The following ZNF438 variants were observed in gnomAD, a reference collection of about 807,000 sequenced individuals.
ZNF438 encodes the protein zinc finger protein 438.
A neutral mutation model predicts 38.0 loss-of-function variants in ZNF438; 25 were observed. That is an observed-to-expected ratio of 0.66 (90% confidence interval 0.48 to 0.92). The LOEUF (loss-of-function observed/expected upper bound fraction) is 0.92. Ranked by LOEUF, ZNF438 falls within the 40% of genes least tolerant of loss-of-function variation. The probability of loss-of-function intolerance (pLI) is 0.00; values close to 1 mark genes in which losing one functional copy is unlikely to be tolerated. For synonymous variants in ZNF438, 372 were observed against 364.1 expected, an observed-to-expected ratio of 1.02 and a Z score of -0.25; for missense variants, 1,007 against 999.6, an observed-to-expected ratio of 1.01 and a Z score of -0.10.
chr10:30,974,903 C>T (rs1261304132), intron 1 of ZNF438, among the ~76,000 whole-genome samples: 1 of 152,122 alleles, frequency 6.6e-6, no homozygotes, highest in African/African-American at 2.4e-5. Flanking sequence ...ATAAAGGTCT[C>T]CTGCCTCCTC....
chr10:30,913,547 G>T (rs2043284842), intron 2 of ZNF438, among the ~76,000 whole-genome samples: 1 of 151,886 alleles, frequency 6.6e-6, no homozygotes, highest in African/African-American at 2.4e-5. Flanking sequence ...TTTTATTCTT[G>T]GTACTCATCA....
intron 1 of ZNF438, among the ~76,000 whole-genome samples, chr10:30,989,088 A>G (rs978199435): frequency 3.3e-5 from 5 of 152,192 alleles, no homozygotes; most frequent in Non-Finnish European, 7.4e-5. Context: ...TTTCCAGCCT[A>G]CTAGCCTATT....
chr10:30,917,136 C>T (rs1007191706), intron 2 of ZNF438, among the ~76,000 whole-genome samples: 5 of 152,030 alleles, frequency 3.3e-5, no homozygotes, highest in Admixed American at 2.0e-4. Flanking sequence ...AGTCAGTTCC[C>T]GTCCCATCCC....
chr10:30,888,493 G>A (rs958597424), intron 3 of ZNF438, among the ~76,000 whole-genome samples: 7 of 152,056 alleles, frequency 4.6e-5, no homozygotes, highest in African/African-American at 1.7e-4. Context: ...ATACCCAATA[G>A]TTATTTTTTC....
At chr10:30,942,541 A>G (rs1486952726) in intron 1 of ZNF438, among the ~76,000 whole-genome samples, 1 of 152,260 alleles carries the variant, frequency 6.6e-6, no homozygotes, top group African/African-American at 2.4e-5. Context: ...TGCAAGACTG[A>G]GACGTGAAAC....
At chr10:30,940,942 A>G (rs2046757411) in intron 2 of ZNF438, among the ~76,000 whole-genome samples, 1 of 151,972 alleles carries the variant, frequency 6.6e-6, no homozygotes, top group Non-Finnish European at 1.5e-5. Flanking sequence ...TATTAGCTAC[A>G]ACGCAAAAGC....
intron 1 of ZNF438, among the ~76,000 whole-genome samples, chr10:31,026,792 G>A (rs1305828815): frequency 1.3e-5 from 2 of 152,062 alleles, no homozygotes; most frequent in African/African-American, 4.8e-5. Context: ...ACATGCACAC[G>A]TATGTTTATT....
intron 3 of ZNF438, among the ~76,000 whole-genome samples, chr10:30,900,670 G>A (rs2041872608): frequency 6.6e-6 from 1 of 152,154 alleles, no homozygotes; most frequent in Non-Finnish European, 1.5e-5. Context: ...CGCTCACCCA[G>A]CTAGTAAAAT....
chr10:30,947,826 G>A (rs1419385745), intron 1 of ZNF438, among the ~76,000 whole-genome samples: 1 of 152,220 alleles, frequency 6.6e-6, no homozygotes, highest in African/African-American at 2.4e-5. Context: ...GACTCGGAAA[G>A]GGAACTCCCT....
intron 4 of ZNF438, among the ~76,000 whole-genome samples, chr10:30,876,705 G>A (rs148337786): frequency 4.6e-5 from 7 of 152,130 alleles, no homozygotes; most frequent in African/African-American, 1.7e-4. Context: ...ACTGATATCT[G>A]TTAGTGCCAG....
chr10:30,948,367 T>C (rs2047712192), intron 1 of ZNF438, among the ~76,000 whole-genome samples: 1 of 152,120 alleles, frequency 6.6e-6, no homozygotes. Flanking sequence ...AGGAACGCAG[T>C]TCCTCACCAG....
At chr10:30,985,021 T>C (rs1343978006) in intron 1 of ZNF438, among the ~76,000 whole-genome samples, 1 of 152,206 alleles carries the variant, frequency 6.6e-6, no homozygotes, top group Non-Finnish European at 1.5e-5. Flanking sequence ...CATAATCTCA[T>C]TGAGCCATGT....
At chr10:30,845,092 C>T (rs1252590846) in exon 6 of ZNF438, 2 of 1,614,154 alleles carry the variant, frequency 1.2e-6, no homozygotes, top group Admixed American at 1.7e-5. Context: ...TCTTTCCGTC[C>T]CAGCATCTCT....
In ZNF438 at chr10:30,887,945, CTTA is replaced by C. The variant is rs1240617132; in HGVS notation, c.-31-10883_-31-10881del. Among the ~76,000 whole-genome samples, 3 of 152,262 alleles carry C rather than the reference CTTA, an allele frequency of 2.0e-5. No homozygotes were observed. In the East Asian group the frequency reaches 5.8e-4, roughly 29 times the overall value. On this transcript the variant is annotated intron_variant, in intron 3 of 5. Coordinates refer to ENST00000413025, the Ensembl canonical transcript of ZNF438. ...ATATACATCAGACAGTAACTATTCACTTATTATGTGTATCAGTAGACCATTCCT... is the reference window on the plus strand; with the variant it reads ...ATATACATCAGACAGTAACTATTCACTTATGTGTATCAGTAGACCATTCCT...
chr10:30,910,165 T>A lies in ZNF438; in HGVS notation c.-114-1150A>T, dbSNP rs114023506. On this transcript the variant is annotated intron_variant, in intron 2 of 5. Transcript: ENST00000413025. ...AGGGTGTTAGAGTACAATTACCTTG[T>A]GTACTTGGTAAAGGGGGAAGAAGAT... Among the ~76,000 whole-genome samples, 252 of 152,014 alleles carry A rather than the reference T, an allele frequency of 1.7e-3. 1 individual carries two copies. Among genetic ancestry groups the A allele is most frequent in the African/African-American group, 5.9e-3 (246 of 41,408 alleles).
At position 30,845,405 on chromosome 10, in the gene ZNF438, C is replaced by CCCTTCTTGTAG; in HGVS notation, c.2032_2042dup (p.Thr682TyrfsTer49). 1 of 1,614,132 alleles carries CCCTTCTTGTAG rather than the reference C, an allele frequency of 6.2e-7. No homozygotes were observed. The highest frequency in any genetic ancestry group is 8.5e-7 in the Non-Finnish European group (1 of 1,180,036). On this transcript the variant is annotated frameshift_variant, in exon 6 of 6. Transcript: ENST00000413025. LOFTEE classifies it low-confidence loss of function (END_TRUNC). Reference sequence around the variant, plus strand: ...GAGTCCCCTTGCTTCCTGGGAAGGTCCCTTCTTGTAGCCTGCCCTCAATTT... The same window carrying CCCTTCTTGTAG: ...GAGTCCCCTTGCTTCCTGGGAAGGTCCCTTCTTGTAGCCTTCTTGTAGCCTGCCCTCAATTT...
chr10:30,910,924 C>T (rs1413165905), intron 2 of ZNF438, among the ~76,000 whole-genome samples: 1 of 151,974 alleles, frequency 6.6e-6, no homozygotes, highest in Non-Finnish European at 1.5e-5. Context: ...AGAAGAGTCA[C>T]TACAAAATGT....
chr10:30,966,403 G>A (rs1209073917), intron 1 of ZNF438, among the ~76,000 whole-genome samples: 3 of 152,078 alleles, frequency 2.0e-5, no homozygotes, highest in African/African-American at 7.2e-5. Context: ...GGGCGTGGTG[G>A]CTCATGCTTG....
intron 1 of ZNF438, among the ~76,000 whole-genome samples, chr10:30,951,164 T>C (rs541463051): frequency 6.6e-6 from 1 of 151,398 alleles, no homozygotes; most frequent in South Asian, 2.1e-4. Context: ...ATTATCTCAA[T>C]AGATGCAGAA....
Sources: allele counts gnomAD v4.1 joint callset (sites outside exome capture counted in the v4.1 genomes callset), GRCh38; gene constraint gnomAD v4.1.1; transcripts MANE v1.5; gene names NCBI Gene and HGNC (gene_info 2026-07-23, HGNC 2026-07-21).